The following FBXL7 variants were observed in gnomAD, a reference collection of about 807,000 sequenced individuals.
FBXL7 encodes the protein F-box/LRR-repeat protein 7.
Under a neutral mutation model 38.3 loss-of-function variants are expected in FBXL7, and 12 were observed. The observed-to-expected ratio is 0.31, with a 90% CI of 0.20 to 0.51. FBXL7 has a LOEUF of 0.51. FBXL7 is among the 20% of genes least tolerant of loss of function. The probability of loss-of-function intolerance (pLI) is 0.98; values close to 1 mark genes in which losing one functional copy is unlikely to be tolerated. For synonymous variants in FBXL7, 297 were observed against 300.9 expected (o/e 0.99, Z 0.13); for missense variants, 567 against 676.4 (o/e 0.84, Z 1.79).
intron 1 of FBXL7, among the ~76,000 whole-genome samples, chr5:15,592,805 G>C (rs1049856250): frequency 1.4e-4 from 22 of 152,168 alleles, no homozygotes; most frequent in Admixed American, 6.5e-5. Context: ...ATTAGTGAGA[G>C]GTCATTATTT....
intron 1 of FBXL7, among the ~76,000 whole-genome samples, chr5:15,502,795 C>A (rs562582727): frequency 6.6e-6 from 1 of 152,320 alleles, no homozygotes; most frequent in Admixed American, 6.5e-5. Context: ...AAATAACCTG[C>A]TGGGCTCAGG....
intron 1 of FBXL7, among the ~76,000 whole-genome samples, chr5:15,524,161 A>T (rs923114007): frequency 6.6e-6 from 1 of 152,226 alleles, no homozygotes; most frequent in South Asian, 2.1e-4. Flanking sequence ...ACTAAGAAGC[A>T]TGTGCGTATA....
chr5:15,803,644 C>A (rs1579476746), intron 2 of FBXL7, among the ~76,000 whole-genome samples: 1 of 151,644 alleles, frequency 6.6e-6, no homozygotes, highest in East Asian at 1.9e-4. Context: ...TTTCATGCAA[C>A]CCCCGATGTA....
At chr5:15,663,753 GT>G (rs1488410505) in intron 2 of FBXL7, among the ~76,000 whole-genome samples, 1 of 152,164 alleles carries the variant, frequency 6.6e-6, no homozygotes, top group African/African-American at 2.4e-5. Context: ...TTGCATCAAT[GT>G]TTATCAGAAT....
At chr5:15,871,581 G>T (rs1739965942) in intron 2 of FBXL7, among the ~76,000 whole-genome samples, 1 of 152,144 alleles carries the variant, frequency 6.6e-6, no homozygotes, top group South Asian at 2.1e-4. Flanking sequence ...TTGCTAACTA[G>T]AATAACTAGT....
intron 1 of FBXL7, among the ~76,000 whole-genome samples, chr5:15,505,056 T>C (rs1736607299): frequency 6.6e-6 from 1 of 152,232 alleles, no homozygotes; most frequent in African/African-American, 2.4e-5. Context: ...CCTTTCACCA[T>C]CTCAGATCGG....
intron 2 of FBXL7, among the ~76,000 whole-genome samples, chr5:15,684,931 A>T (rs1035237668): frequency 3.3e-5 from 5 of 152,234 alleles, no homozygotes; most frequent in African/African-American, 1.2e-4. Flanking sequence ...TGTGCTAGTT[A>T]AAGCAGAAAT....
rs920384487 is a variant in FBXL7, at chr5:15,655,355, G to A, written c.127+39283G>A. On this transcript the variant is annotated intron_variant, in intron 2 of 3. Coordinates refer to ENST00000504595, the MANE Select transcript of FBXL7 (RefSeq NM_012304.5). ...TACTAAAAATACAAAAATTAATTGT[G>A]CATGGTGGCACACACTTGTAGGCAG... 5.3e-5 allele frequency among the ~76,000 whole-genome samples: 8 copies of A among 152,134 alleles called. No homozygotes were observed. The East Asian group carries it at 1.6e-3, about 30-fold the overall frequency.
At chr5:15,549,240 C>A (rs2126419390) in intron 1 of FBXL7, among the ~76,000 whole-genome samples, 1 of 152,330 alleles carries the variant, frequency 6.6e-6, no homozygotes, top group South Asian at 2.1e-4. Flanking sequence ...TAATTCCCAT[C>A]ACAAAGTAGG....
intron 2 of FBXL7, among the ~76,000 whole-genome samples, chr5:15,777,718 G>T (rs1255998829): frequency 1.5e-5 from 1 of 67,230 alleles, no homozygotes; most frequent in East Asian, 5.6e-4. Context: ...CCCCTATTCT[G>T]GTAAAAAAAA....
At chr5:15,822,608 T>C (rs1380144646) in intron 2 of FBXL7, among the ~76,000 whole-genome samples, 2 of 150,064 alleles carry the variant, frequency 1.3e-5, no homozygotes. Context: ...GGATGAACAT[T>C]TGAGCTGGTT....
intron 2 of FBXL7, among the ~76,000 whole-genome samples, chr5:15,619,393 G>A (rs1293896780): frequency 1.3e-5 from 2 of 152,124 alleles, no homozygotes; most frequent in African/African-American, 2.4e-5. Context: ...AGTTGGGGTG[G>A]GATGGGAAGC....
intron 2 of FBXL7, among the ~76,000 whole-genome samples, chr5:15,755,003 C>A (rs2126690604): frequency 6.6e-6 from 1 of 152,240 alleles, no homozygotes; most frequent in Middle Eastern, 3.4e-3. Context: ...TTCTTGAATG[C>A]TCTCTGATGG....
intron 1 of FBXL7, among the ~76,000 whole-genome samples, chr5:15,533,655 G>C (rs2126395685): frequency 6.6e-6 from 1 of 152,258 alleles, no homozygotes; most frequent in South Asian, 2.1e-4. Context: ...AGTTCCTGCG[G>C]GCTCTGCTTT....
intron 2 of FBXL7, among the ~76,000 whole-genome samples, chr5:15,666,367 A>G (rs1182188142): frequency 1.3e-5 from 2 of 152,200 alleles, no homozygotes; most frequent in Admixed American, 6.5e-5. Flanking sequence ...AATCATCACC[A>G]TCTATCTGCA....
intron 2 of FBXL7, among the ~76,000 whole-genome samples, chr5:15,672,097 G>A (rs1226113342): frequency 6.6e-6 from 1 of 152,128 alleles, no homozygotes; most frequent in Non-Finnish European, 1.5e-5. Flanking sequence ...TATACTCTGG[G>A]TTGTGTCAAT....
intron 1 of FBXL7, among the ~76,000 whole-genome samples, chr5:15,582,447 G>T (rs1739174043): frequency 6.6e-6 from 1 of 152,166 alleles, no homozygotes; most frequent in East Asian, 1.9e-4. Context: ...TCATACAAGG[G>T]TAACTACATA....
chr5:15,657,079 A>C (rs916547169), intron 2 of FBXL7, among the ~76,000 whole-genome samples: 1 of 152,208 alleles, frequency 6.6e-6, no homozygotes. Context: ...ACATAAAACA[A>C]AACCCAAATA....
intron 2 of FBXL7, among the ~76,000 whole-genome samples, chr5:15,871,113 G>A (rs1008610610): frequency 1.3e-5 from 2 of 152,212 alleles, no homozygotes; most frequent in Non-Finnish European, 2.9e-5. Flanking sequence ...CCACAGGAAG[G>A]AGCAGGCAGC....
Sources: gnomAD v4.1 joint callset for allele counts (sites outside exome capture counted in the v4.1 genomes callset) on GRCh38, gnomAD v4.1.1 for gene constraint, MANE v1.5 for transcripts, NCBI Gene and HGNC (gene_info 2026-07-23, HGNC 2026-07-21) for gene names.